The following RBFOX1 variants were observed in gnomAD, a reference collection of about 807,000 sequenced individuals.
The protein encoded by RBFOX1 is RNA binding fox-1 homolog 1, also known as RNA binding protein fox-1 homolog 1.
In RBFOX1, 8 loss-of-function variants were observed where a neutral mutation model predicts 57.7. That is an observed-to-expected ratio of 0.14 (90% CI 0.08 to 0.25). The LOEUF (loss-of-function observed/expected upper bound fraction) is 0.25, where lower values mean the gene tolerates loss of function less well. Ranked by LOEUF, RBFOX1 falls within the 10% of genes least tolerant of loss-of-function variation. RBFOX1 has a pLI of 1.00. For synonymous variants in RBFOX1, 326 were observed against 222.4 expected (o/e 1.47, Z -4.15); for missense variants, 611 against 548.5 (o/e 1.11, Z -1.14).
chr16:7,274,727 C>G (rs748257962), intron 4 of RBFOX1, among the ~76,000 whole-genome samples: 1 of 151,814 alleles, frequency 6.6e-6, no homozygotes, highest in Non-Finnish European at 1.5e-5. Flanking sequence ...TCCTGTCACC[C>G]AAGCTGCAGT....
At chr16:6,711,284 C>T (rs140894773) in intron 3 of RBFOX1, among the ~76,000 whole-genome samples, 2 of 152,304 alleles carry the variant, frequency 1.3e-5, no homozygotes, top group African/African-American at 2.4e-5. Flanking sequence ...CCCCTCCCCC[C>T]ATGGCTTCTG....
intron 3 of RBFOX1, among the ~76,000 whole-genome samples, chr16:6,751,434 G>T (rs60790813): frequency 6.6e-6 from 1 of 152,000 alleles, no homozygotes; most frequent in Non-Finnish European, 1.5e-5. Flanking sequence ...TATTCTTGGG[G>T]CATTTGTACC....
intron 4 of RBFOX1, among the ~76,000 whole-genome samples, chr16:5,929,550 A>C (rs1469930804): frequency 6.6e-6 from 1 of 152,218 alleles, no homozygotes; most frequent in Non-Finnish European, 1.5e-5. Flanking sequence ...ACTATACTGC[A>C]AGACAAAGGT....
chr16:6,826,184 A>G (rs2092114595), intron 3 of RBFOX1, among the ~76,000 whole-genome samples: 1 of 152,180 alleles, frequency 6.6e-6, no homozygotes, highest in South Asian at 2.1e-4. Flanking sequence ...GTCGCCACGT[A>G]GGTTGTATGT....
At chr16:6,861,223 T>C (rs189302390) in intron 3 of RBFOX1, among the ~76,000 whole-genome samples, 6 of 152,290 alleles carry the variant, frequency 3.9e-5, no homozygotes, top group African/African-American at 1.4e-4. Flanking sequence ...TGTGTCTGTG[T>C]GTATTTGCAT....
At chr16:5,575,890 T>A (rs2046435957) in intron 2 of RBFOX1, among the ~76,000 whole-genome samples, 1 of 151,926 alleles carries the variant, frequency 6.6e-6, no homozygotes, top group African/African-American at 2.4e-5. Flanking sequence ...GATATGAAGT[T>A]TGCAGCAAAT....
intron 4 of RBFOX1, among the ~76,000 whole-genome samples, chr16:7,150,399 A>G (rs1456604362): frequency 6.6e-6 from 1 of 152,110 alleles, no homozygotes; most frequent in Non-Finnish European, 1.5e-5. Context: ...AACGTCATGA[A>G]TTGGTCCCCG....
chr16:6,500,883 T>A (rs1457482535), intron 2 of RBFOX1, among the ~76,000 whole-genome samples: 1 of 136,856 alleles, frequency 7.3e-6, no homozygotes, highest in African/African-American at 2.7e-5. Context: ...GTAGTTTTTT[T>A]TTTTTTTTTT....
intron 1 of RBFOX1, among the ~76,000 whole-genome samples, chr16:6,210,337 C>CAAAAAAAAAAA (rs1443054145): frequency 1.1e-4 from 1 of 9,330 alleles, no homozygotes; most frequent in Non-Finnish European, 2.4e-4. Flanking sequence ...AACAAAAAAA[C>CAAAAAAAAAAA]AAAAAAACAA....
chr16:7,195,038 C>G (rs558440534), intron 4 of RBFOX1, among the ~76,000 whole-genome samples: 2 of 135,638 alleles, frequency 1.5e-5, no homozygotes, highest in East Asian at 3.9e-4. Context: ...TATTGTTCTT[C>G]TAATTCTAGC....
intron 4 of RBFOX1, among the ~76,000 whole-genome samples, chr16:7,116,231 T>C (rs1288030739): frequency 6.6e-6 from 1 of 152,108 alleles, no homozygotes; most frequent in Non-Finnish European, 1.5e-5. Flanking sequence ...CCTGAATATA[T>C]AGAGAGAAAG....
Position 6,979,369 on chromosome 16 carries a change from T to C in RBFOX1, c.-15-72688T>C, listed in dbSNP as rs545992832. On this transcript the variant is annotated intron_variant, in intron 3 of 15. Transcript: ENST00000550418. Reference sequence around the variant, plus strand: ...ATCAGTGTAATTATGAAAACATTAGTTGAACCTGAGCACTTTCCATTGTGC... The same window carrying C: ...ATCAGTGTAATTATGAAAACATTAGCTGAACCTGAGCACTTTCCATTGTGC... 4.9e-5 allele frequency among the ~76,000 whole-genome samples: 5 copies of C among 102,108 alleles called. 1 individual carries two copies. In the South Asian group the frequency reaches 1.5e-3, roughly 30 times the overall value. The allele number at this position is 102,108 out of a possible 152,430, so 67.0% of individuals were successfully genotyped here.
chr16:6,974,749 A>C (rs914590094), intron 3 of RBFOX1, among the ~76,000 whole-genome samples: 2 of 152,056 alleles, frequency 1.3e-5, no homozygotes, highest in Non-Finnish European at 2.9e-5. Flanking sequence ...ACTGAAACTC[A>C]CCAGAGGCAG....
intron 2 of RBFOX1, chr16:5,467,397 A>C: frequency 1.4e-6 from 1 of 725,998 alleles, no homozygotes; most frequent in Non-Finnish European, 2.2e-6. Flanking sequence ...TTCATCCCTT[A>C]GCAAGAAGGT....
intron 1 of RBFOX1, among the ~76,000 whole-genome samples, chr16:6,023,813 G>A (rs1329745868): frequency 1.3e-5 from 2 of 152,118 alleles, no homozygotes; most frequent in African/African-American, 4.8e-5. Context: ...AAACACCGAG[G>A]CGACGTTTTT....
chr16:7,354,089 A>C (rs746102096), intron 4 of RBFOX1, among the ~76,000 whole-genome samples: 1 of 152,154 alleles, frequency 6.6e-6, no homozygotes, highest in African/African-American at 2.4e-5. Context: ...CTCCTGCCTC[A>C]GCCTCCTGAG....
chr16:7,472,115 A>G (rs11647224), intron 4 of RBFOX1, among the ~76,000 whole-genome samples: 84,919 of 152,036 alleles, frequency 0.56, 24,101 homozygotes, highest in East Asian at 0.74. Flanking sequence ...TAAAAAATCG[A>G]AGAATATATA....
rs890330197 is a variant in RBFOX1, at chr16:6,954,479, G to T, written c.-15-97578G>T. 9.9e-5 allele frequency among the ~76,000 whole-genome samples: 15 copies of T among 152,190 alleles called. No individual in the cohort carries two copies. In the South Asian group the frequency reaches 1.0e-3, roughly 11 times the overall value. On this transcript the variant is annotated intron_variant, in intron 3 of 15. Coordinates refer to ENST00000550418, the MANE Select transcript of RBFOX1 (RefSeq NM_018723.4). Reference sequence around the variant, plus strand: ...GCAGGAACAAAACTCAGTTTAAAACGTAATTTTGTTGAAACATTTGTTTTA... The same window carrying T: ...GCAGGAACAAAACTCAGTTTAAAACTTAATTTTGTTGAAACATTTGTTTTA...
chr16:7,139,287 T>A (rs1398191096), intron 4 of RBFOX1, among the ~76,000 whole-genome samples: 1 of 151,734 alleles, frequency 6.6e-6, no homozygotes, highest in Non-Finnish European at 1.5e-5. Context: ...TCACTCCCCA[T>A]GCAGAACATC....
Sources: allele counts gnomAD v4.1 joint callset (sites outside exome capture counted in the v4.1 genomes callset), GRCh38; gene constraint gnomAD v4.1.1; transcripts MANE v1.5; gene names NCBI Gene and HGNC (gene_info 2026-07-23, HGNC 2026-07-21).